Variants in CUX2 observed in about 807,000 individuals in gnomAD.
CUX2 encodes homeobox protein cut-like 2.
Under a neutral mutation model 144.8 loss-of-function variants are expected in CUX2, and 40 were observed. The ratio of observed to expected loss-of-function variants is 0.28; its 90% CI spans 0.21 to 0.36. The LOEUF is 0.36. CUX2 is among the 10% of genes least tolerant of loss of function. The pLI is 1.00. For missense variants in CUX2, 1,615 were observed against 1,994.0 expected (o/e 0.81, Z 3.62); for synonymous variants, 827 against 875.6 (o/e 0.94, Z 0.98).
intron 1 of CUX2, among the ~76,000 whole-genome samples, chr12:111,134,769 C>T (rs1190451234): frequency 1.3e-5 from 2 of 151,906 alleles, no homozygotes; most frequent in Non-Finnish European, 2.9e-5. Flanking sequence ...AGGAAGACTC[C>T]CTGGAGGAGG....
At chr12:111,121,369 CTTTTTTTTTTTT>C (rs5800920) in intron 1 of CUX2, among the ~76,000 whole-genome samples, 829 of 59,162 alleles carry the variant, frequency 0.014, 23 homozygotes, top group African/African-American at 0.041. Context: ...TTTCTTTTTT[CTTTTTTTTTTTT>C]TTTTTTTTTT....
chr12:111,081,817 G>T (rs1437074344), intron 1 of CUX2, among the ~76,000 whole-genome samples: 1 of 152,156 alleles, frequency 6.6e-6, no homozygotes, highest in Non-Finnish European at 1.5e-5. Flanking sequence ...ACTTTTTAGT[G>T]TCTTCCACGA....
rs1395233616 is a variant in CUX2 at position 111,059,437 on chromosome 12, C to T, written c.63+25197C>T. Among the ~76,000 whole-genome samples the T allele has an allele frequency of 2.0e-5, 3 of 152,220 alleles. No individual in the cohort carries two copies. Among genetic ancestry groups the T allele is most frequent in the Non-Finnish European group, 4.4e-5 (3 of 68,034 alleles). ...CTTGGCAGAGATAGCCAGGCCAACT[C>T]CCAGTGAGGGGAGCAGGACTACTGC... On this transcript the variant is annotated intron_variant, in intron 1 of 21. Transcript: ENST00000261726. The surrounding 1 kb of genome is among the most constrained non-coding windows in gnomAD (Gnocchi z 5.3).
intron 1 of CUX2, among the ~76,000 whole-genome samples, chr12:111,146,459 T>C (rs1876678558): frequency 6.6e-6 from 1 of 152,206 alleles, no homozygotes; most frequent in South Asian, 2.1e-4. Context: ...ATGGTTTGGC[T>C]GTGTCCCCAC....
chr12:111,216,295 CTT>C (rs1034547450), intron 2 of CUX2, among the ~76,000 whole-genome samples: 3 of 152,240 alleles, frequency 2.0e-5, no homozygotes, highest in African/African-American at 7.2e-5. Context: ...GCTAGCCCCT[CTT>C]GGGACCTCAG....
rs1408485219 is a variant in CUX2, at chr12:111,246,454, C to T, written c.223-17307C>T. ...AGCACACTGGCCACCCTCCAATTCA[C>T]TGTATTCCTCTTTGTGTGATCAATG... On this transcript the variant is annotated intron_variant, in intron 3 of 21. Transcript: ENST00000261726. The surrounding 1 kb of genome is among the most constrained non-coding windows in gnomAD (Gnocchi z 4.0). Among the ~76,000 whole-genome samples, 1 of 152,178 alleles carries T rather than the reference C, an allele frequency of 6.6e-6. No individual in the cohort carries two copies. Among genetic ancestry groups the T allele is most frequent in the Non-Finnish European group, 1.5e-5 (1 of 68,032 alleles).
At chr12:111,166,797 G>A (rs1878173134) in intron 1 of CUX2, among the ~76,000 whole-genome samples, 1 of 152,188 alleles carries the variant, frequency 6.6e-6, no homozygotes, top group Non-Finnish European at 1.5e-5. Flanking sequence ...GAGAAGTCCT[G>A]ACGGCATCAT....
intron 1 of CUX2, among the ~76,000 whole-genome samples, chr12:111,038,532 G>A (rs1869572509): frequency 6.6e-6 from 1 of 152,218 alleles, no homozygotes; most frequent in Admixed American, 6.5e-5. Flanking sequence ...CCAGCCAGTG[G>A]GTGACCCCAT....
At chr12:111,296,936 C>G (rs1437729883) in intron 8 of CUX2, among the ~76,000 whole-genome samples, 1 of 149,706 alleles carries the variant, frequency 6.7e-6, no homozygotes, top group African/African-American at 2.5e-5. Flanking sequence ...TTGCCTCCAC[C>G]CTCTGGCCGT....
chr12:111,252,264 C>G (rs1470253432), intron 3 of CUX2, among the ~76,000 whole-genome samples: 3 of 152,190 alleles, frequency 2.0e-5, no homozygotes, highest in Admixed American at 6.5e-5. Context: ...TTTGAAGGAG[C>G]CTTCGGCCCA....
intron 1 of CUX2, among the ~76,000 whole-genome samples, chr12:111,199,777 C>T (rs936533556): frequency 1.3e-5 from 2 of 151,680 alleles, no homozygotes; most frequent in South Asian, 2.1e-4. Flanking sequence ...TATGTTTGTA[C>T]GTGTGTTTCT....
At chr12:111,290,584 C>T (rs1195904986) in intron 4 of CUX2, among the ~76,000 whole-genome samples, 1 of 152,054 alleles carries the variant, frequency 6.6e-6, no homozygotes, top group East Asian at 1.9e-4. Context: ...CCCACCACCA[C>T]ACCCAGCTAA....
intron 3 of CUX2, among the ~76,000 whole-genome samples, chr12:111,223,391 G>A (rs1881955190): frequency 6.6e-6 from 1 of 152,192 alleles, no homozygotes; most frequent in East Asian, 1.9e-4. Context: ...AGCCACGGCA[G>A]TATCTCCATC....
At chr12:111,283,749 T>G (rs1347664831) in intron 4 of CUX2, among the ~76,000 whole-genome samples, 1 of 152,180 alleles carries the variant, frequency 6.6e-6, no homozygotes, top group Non-Finnish European at 1.5e-5. Context: ...TTCTGTATTT[T>G]TAGTAGAGAG....
At chr12:111,107,937 A>G (rs1469181402) in intron 1 of CUX2, among the ~76,000 whole-genome samples, 1 of 152,246 alleles carries the variant, frequency 6.6e-6, no homozygotes, top group African/African-American at 2.4e-5. Context: ...AAACACCATT[A>G]CATAATGGAC....
chr12:111,138,278 T>C (rs1049838178), intron 1 of CUX2, among the ~76,000 whole-genome samples: 9 of 152,020 alleles, frequency 5.9e-5, no homozygotes, highest in African/African-American at 2.2e-4. Flanking sequence ...GATTTGCATT[T>C]ATCAAAAGCC....
intron 3 of CUX2, among the ~76,000 whole-genome samples, chr12:111,253,354 C>T (rs533895027): frequency 1.3e-5 from 2 of 151,778 alleles, no homozygotes; most frequent in Admixed American, 1.3e-4. Context: ...TACCATCTCC[C>T]GCCACACCAG....
chr12:111,134,520 G>A (rs1200157568), intron 1 of CUX2, among the ~76,000 whole-genome samples: 1 of 151,902 alleles, frequency 6.6e-6, no homozygotes, highest in Non-Finnish European at 1.5e-5. Flanking sequence ...TTAAAATTCT[G>A]TTCCTCTCTA....
intron 1 of CUX2, among the ~76,000 whole-genome samples, chr12:111,176,760 C>T (rs954407987): frequency 6.6e-6 from 1 of 152,208 alleles, no homozygotes; most frequent in African/African-American, 2.4e-5. Context: ...TGGGCTGAAA[C>T]TTGTTCACAT....
Sources: gnomAD v4.1 joint callset for allele counts (sites outside exome capture counted in the v4.1 genomes callset) on GRCh38, gnomAD v4.1.1 for gene constraint, Gnocchi (gnomAD v3.1) non-coding constraint, MANE v1.5 for transcripts, NCBI Gene and HGNC (gene_info 2026-07-23, HGNC 2026-07-21) for gene names.